EPAS1: variants seen among roughly 807,000 people sequenced by gnomAD.
EPAS1 encodes the protein endothelial PAS domain protein 1.
In EPAS1, 23 loss-of-function variants were observed where a neutral mutation model predicts 87.9. That is an observed-to-expected ratio of 0.26 (90% CI 0.19 to 0.37). The LOEUF (loss-of-function observed/expected upper bound fraction) is 0.37. EPAS1 is among the 10% of genes least tolerant of loss of function. The pLI, the probability that EPAS1 is intolerant of heterozygous loss-of-function variation, is 1.00. For synonymous variants in EPAS1, 508 were observed against 444.3 expected (o/e 1.14, Z -1.80); for missense variants, 1,138 against 1,120.7 (o/e 1.02, Z -0.22).
chr2:46,328,686 A>G (rs777624299), intron 1 of EPAS1, among the ~76,000 whole-genome samples: 2 of 152,238 alleles, frequency 1.3e-5, no homozygotes, highest in African/African-American at 4.8e-5. Flanking sequence ...AGTATATATC[A>G]TATCTACCAT....
rs1340056537 is a variant in EPAS1, at chr2:46,375,999, C to A, written c.1034+162C>A. 6.6e-6 allele frequency among the ~76,000 whole-genome samples: 1 copy of A among 152,144 alleles called. No homozygotes were observed. The highest frequency in any genetic ancestry group is 1.5e-5 in the Non-Finnish European group (1 of 68,022). On this transcript the variant is annotated intron_variant, in intron 8 of 15. Coordinates refer to ENST00000263734, the MANE Select transcript of EPAS1 (RefSeq NM_001430.5). The surrounding 1 kb of genome is among the most constrained non-coding windows in gnomAD (Gnocchi z 4.1). ...CTAACCCTAGTGACTGAGAGGACTTCCTGTGGATGTCTTGGAACAGTGGGA... is the reference window on the plus strand; with the variant it reads ...CTAACCCTAGTGACTGAGAGGACTTACTGTGGATGTCTTGGAACAGTGGGA...
intron 1 of EPAS1, among the ~76,000 whole-genome samples, chr2:46,298,447 A>T (rs909062145): frequency 1.2e-4 from 19 of 152,112 alleles, no homozygotes; most frequent in Admixed American, 5.9e-4. Flanking sequence ...CGGCTCAGGG[A>T]CACGATCCTA....
At position 46,347,184 on chromosome 2, in the gene EPAS1, C is replaced by A; in HGVS notation, c.217+121C>A. On this transcript the variant is annotated intron_variant, in intron 2 of 15. Coordinates refer to ENST00000263734, the MANE Select transcript of EPAS1 (RefSeq NM_001430.5). This position sits in a 1 kb window ranked among gnomAD's most constrained non-coding sequence, Gnocchi z 4.2. ...CACCCCACTACAGAACTTTCACCCA[C>A]AGAAACACCATCATGAGTGATTTAT... The A allele has an allele frequency of 9.8e-7, 1 of 1,023,266 alleles. No individual in the cohort carries two copies. The highest frequency in any genetic ancestry group is 1.5e-6 in the Non-Finnish European group (1 of 655,196). The allele number at this position is 1,023,266 out of a possible 1,614,324, so 63.4% of individuals were successfully genotyped here.
intron 7 of EPAS1, among the ~76,000 whole-genome samples, chr2:46,373,478 G>A (rs928110882): frequency 2.0e-5 from 3 of 152,172 alleles, no homozygotes; most frequent in African/African-American, 4.8e-5. Context: ...TGCCTGCAAC[G>A]CCATGATGAA....
rs191612392 is a variant in EPAS1 at position 46,361,721 on chromosome 2, T to C, written c.779+631T>C. 1.5e-4 allele frequency among the ~76,000 whole-genome samples: 23 copies of C among 152,300 alleles called. No homozygotes were observed. In the East Asian group the frequency reaches 4.4e-3, roughly 29 times the overall value. On this transcript the variant is annotated intron_variant, in intron 6 of 15. Transcript: ENST00000263734. ...TTCAAATTTAGTAATAAATGTTCAG[T>C]GTTAGCTCTTATTATCACCTTTATT... is the stretch of plus-strand genomic sequence containing the variant.
At chr2:46,370,793 G>C (rs1213933590) in intron 7 of EPAS1, among the ~76,000 whole-genome samples, 1 of 152,152 alleles carries the variant, frequency 6.6e-6, no homozygotes, top group Non-Finnish European at 1.5e-5. Flanking sequence ...CCCAATTCAG[G>C]CTTCCTATAG....
rs766269243 is a variant in EPAS1 at position 46,380,229 on chromosome 2, G to A, written c.1557G>A (p.Thr519=). 59 of 1,610,674 alleles carry A rather than the reference G, an allele frequency of 3.7e-5. No homozygotes were observed. Among genetic ancestry groups the A allele is most frequent in the Admixed American group, 1.0e-4 (6 of 60,018 alleles). ...TTGCCGGTGCTGTCTCCCCTCAGAC[G>A]GATTTCAATGAGCTGGACTTGGAGA... ...TEAKDQCSTQ[T]DFNELDLETL... is the part of the protein sequence containing the mutation. The change falls in exon 12 of 16, where the codon ACG becomes ACA. Residue 519 remains threonine (T), a splice_region_variant and synonymous_variant. Transcript: ENST00000263734. This position sits in a 1 kb window ranked among gnomAD's most constrained non-coding sequence, Gnocchi z 4.4.
Position 46,300,398 on chromosome 2 carries a change from C to T in EPAS1, c.26+2461C>T, listed in dbSNP as rs1682973614. On this transcript the variant is annotated intron_variant, in intron 1 of 15. Coordinates refer to ENST00000263734, the MANE Select transcript of EPAS1 (RefSeq NM_001430.5). The surrounding 1 kb of genome is among the most constrained non-coding windows in gnomAD (Gnocchi z 4.1). Reference sequence around the variant, plus strand: ...TTTGGAATATTCGTTCTAACAATGGCCCGTCAAGAAGTGGGCAGATGATTT... The same window carrying T: ...TTTGGAATATTCGTTCTAACAATGGTCCGTCAAGAAGTGGGCAGATGATTT... 6.6e-6 allele frequency among the ~76,000 whole-genome samples: 1 copy of T among 152,178 alleles called. No homozygotes were observed. The highest frequency in any genetic ancestry group is 2.4e-5 in the African/African-American group (1 of 41,434).
chr2:46,360,778 G>A lies in EPAS1; in HGVS notation c.573+22G>A. 1 of 1,613,722 alleles carries A rather than the reference G, an allele frequency of 6.2e-7. No homozygotes were observed. Among genetic ancestry groups the A allele is most frequent in the East Asian group, 2.2e-5 (1 of 44,886 alleles). ...GAAGGTAGGGCAACATCAGGCCTGG[G>A]TTGGAGTCCCAGGTGTAGGGTAACG... On this transcript the variant is annotated intron_variant, in intron 5 of 15. Coordinates refer to ENST00000263734, the MANE Select transcript of EPAS1 (RefSeq NM_001430.5). This position sits in a 1 kb window ranked among gnomAD's most constrained non-coding sequence, Gnocchi z 4.5.
intron 1 of EPAS1, among the ~76,000 whole-genome samples, chr2:46,342,025 G>T (rs1354695606): frequency 6.6e-6 from 1 of 151,962 alleles, no homozygotes; most frequent in Non-Finnish European, 1.5e-5. Context: ...TTAAAAACTG[G>T]CTGCTTTGGA....
At position 46,385,647 on chromosome 2, in the gene EPAS1, G is replaced by A. The variant is rs1049222494; in HGVS notation, c.*987G>A. 1.3e-5 allele frequency: 2 copies of A among 151,896 alleles called. No individual in the cohort carries two copies. Among genetic ancestry groups the A allele is most frequent in the Admixed American group, 6.6e-5 (1 of 15,254 alleles). The allele number at this position is 151,896 out of a possible 1,614,324, so 9.4% of individuals were successfully genotyped here. On this transcript the variant is annotated 3_prime_UTR_variant, in exon 16 of 16. Transcript: ENST00000263734. ...AATCCGAGCAGTGGAGTCATTCAGC[G>A]GGAGCACTGCGCGCTATCCCCTCAC...
At chr2:46,384,254 G>A (rs186639776) in intron 15 of EPAS1, among the ~76,000 whole-genome samples, 27 of 152,284 alleles carry the variant, frequency 1.8e-4, no homozygotes, top group African/African-American at 6.0e-4. Flanking sequence ...GGCTCTTCCT[G>A]AAGCTTCCAC....
At chr2:46,302,154 G>A (rs1205682075) in intron 1 of EPAS1, among the ~76,000 whole-genome samples, 9 of 139,686 alleles carry the variant, frequency 6.4e-5, no homozygotes, top group East Asian at 2.4e-4. Context: ...GTGTGTGCCC[G>A]TGCGTCGGGG....
rs372745004 is a variant in EPAS1 at position 46,382,087 on chromosome 2, A to G, written c.2285A>G (p.Asn762Ser). 3.1e-6 allele frequency: 5 copies of G among 1,613,372 alleles called. No homozygotes were observed. The highest frequency in any genetic ancestry group is 3.3e-5 in the Admixed American group (2 of 60,000). ...PDKPLSANVP[N>S]DKFTQNPMRG... ...AAGCCACTGAGCGCAAATGTACCCAATGGTGAGCAGCGGCCACAGGCCTGG... is the reference window on the plus strand; with the variant it reads ...AAGCCACTGAGCGCAAATGTACCCAGTGGTGAGCAGCGGCCACAGGCCTGG... The change falls in exon 14 of 16, where the codon AAT becomes AGT. Residue 762 changes from asparagine to serine, a missense_variant and splice_region_variant. Asn to Ser is a conservative substitution (Grantham distance 46). Transcript: ENST00000263734.
At chr2:46,357,118 C>T (rs1287135914) in intron 4 of EPAS1, among the ~76,000 whole-genome samples, 3 of 152,186 alleles carry the variant, frequency 2.0e-5, no homozygotes, top group African/African-American at 2.4e-5. Context: ...AATGACACCA[C>T]CCAAACCAAT....
intron 1 of EPAS1, 43 bp downstream of exon 1, chr2:46,297,980 A>G (rs776867792): frequency 2.7e-5 from 43 of 1,606,890 alleles, no homozygotes; most frequent in Non-Finnish European, 3.3e-5. Flanking sequence ...GTCCGAGGCC[A>G]GGGCCGGGCT....
chr2:46,360,020 C>T lies in EPAS1; in HGVS notation c.455-618C>T, dbSNP rs1192703125. ...AAAGTGGACTTGCTCACCAAGTCCA[C>T]TGTAAGGAGATTCGTACCAGAGTTC... is the stretch of plus-strand genomic sequence containing the variant. On this transcript the variant is annotated intron_variant, in intron 4 of 15. Transcript: ENST00000263734. The surrounding 1 kb of genome is among the most constrained non-coding windows in gnomAD (Gnocchi z 4.5). Among the ~76,000 whole-genome samples the T allele has an allele frequency of 6.6e-6, 1 of 152,168 alleles. No homozygotes were observed. Among genetic ancestry groups the T allele is most frequent in the African/African-American group, 2.4e-5 (1 of 41,424 alleles).
intron 1 of EPAS1, among the ~76,000 whole-genome samples, chr2:46,342,290 G>GC (rs1178387998): frequency 6.6e-6 from 1 of 152,140 alleles, no homozygotes; most frequent in African/African-American, 2.4e-5. Context: ...CTATCAGGCA[G>GC]CCCCTGTACA....
At chr2:46,367,643 C>T (rs982508400) in intron 6 of EPAS1, among the ~76,000 whole-genome samples, 2 of 152,200 alleles carry the variant, frequency 1.3e-5, no homozygotes, top group Non-Finnish European at 2.9e-5. Context: ...GGCCAAGCGA[C>T]GGGACAGATC....
Sources: gnomAD v4.1 joint callset for allele counts (sites outside exome capture counted in the v4.1 genomes callset) on GRCh38, gnomAD v4.1.1 for gene constraint, Gnocchi (gnomAD v3.1) non-coding constraint, MANE v1.5 for transcripts, NCBI Gene and HGNC (gene_info 2026-07-23, HGNC 2026-07-21) for gene names.